The following KCTD1 variants were observed in gnomAD, a reference collection of about 807,000 sequenced individuals.
KCTD1 encodes the protein potassium channel tetramerization domain containing 1, also known as BTB/POZ domain-containing protein KCTD1.
Under a neutral mutation model 66.0 loss-of-function variants are expected in KCTD1, and 24 were observed. The ratio of observed to expected loss-of-function variants is 0.36; its 90% CI spans 0.26 to 0.51. KCTD1 has a LOEUF of 0.51. KCTD1 is among the 20% of genes least tolerant of loss of function. KCTD1 has a pLI of 0.95. For synonymous variants in KCTD1, 511 were observed against 517.2 expected (o/e 0.99, Z 0.16); for missense variants, 943 against 1,205.2 (o/e 0.78, Z 3.22).
intron 1 of KCTD1, among the ~76,000 whole-genome samples, chr18:26,580,330 G>A (rs149003004): frequency 6.6e-6 from 1 of 152,094 alleles, no homozygotes; most frequent in Non-Finnish European, 1.5e-5. Context: ...TGCAGTGGGC[G>A]CGGTTTGCAT....
rs149071377 is a variant in KCTD1, at chr18:26,482,629, C to T, written c.1989-5970G>A. Among the ~76,000 whole-genome samples the T allele has an allele frequency of 3.3e-3, 499 of 152,282 alleles. 3 individuals are homozygous for T. Among genetic ancestry groups the T allele is most frequent in the African/African-American group, 0.011 (476 of 41,538 alleles). On this transcript the variant is annotated intron_variant, in intron 2 of 4. Transcript: ENST00000580059. ...TCTTCTGGCTCTAGGCTCTGTACCC[C>T]CCACCCTTCCCATGCTGCACTGTCT...
At chr18:26,520,808 T>TCA (rs1983875416) in intron 1 of KCTD1, among the ~76,000 whole-genome samples, 2 of 152,224 alleles carry the variant, frequency 1.3e-5, no homozygotes, top group South Asian at 4.1e-4. Context: ...AGAAGAGTCC[T>TCA]CACTTTGAAC....
chr18:26,480,040 ATTTTTT>A (rs199551482), intron 2 of KCTD1, among the ~76,000 whole-genome samples: 68,671 of 139,860 alleles, frequency 0.49, 17,930 homozygotes, highest in Middle Eastern at 0.63. Flanking sequence ...TGGTTTTGGA[ATTTTTT>A]TTTTTTTTTT....
chr18:26,569,974 G>A (rs185323668), intron 1 of KCTD1, among the ~76,000 whole-genome samples: 5 of 152,182 alleles, frequency 3.3e-5, no homozygotes, highest in Admixed American at 2.6e-4. Context: ...ATCACCTGAG[G>A]TCAGGAGTTC....
intron 1 of KCTD1, among the ~76,000 whole-genome samples, chr18:26,605,434 C>A (rs916606249): frequency 2.0e-5 from 3 of 152,110 alleles, no homozygotes; most frequent in African/African-American, 7.2e-5. Flanking sequence ...AGCTTCTTAA[C>A]TGTGTGTTTT....
intron 1 of KCTD1, among the ~76,000 whole-genome samples, chr18:26,598,113 C>T (rs1443199017): frequency 1.3e-5 from 2 of 152,228 alleles, no homozygotes; most frequent in African/African-American, 4.8e-5. Context: ...AGCTTGACTT[C>T]CCCTCAACTC....
rs542390829 is a variant in KCTD1, at chr18:26,611,542, A to C, written c.-16+17605T>G. On this transcript the variant is annotated intron_variant, in intron 1 of 4. Transcript: ENST00000317932. ...ATTTTTATATTTTTAGTAGAGGCGG[A>C]GTTTCACCATGTTGGCCAGGCTGGT... Among the ~76,000 whole-genome samples the C allele has an allele frequency of 3.3e-5, 5 of 152,128 alleles. No homozygotes were observed. The South Asian group carries it at 1.0e-3, about 32-fold the overall frequency.
rs367792541 is a variant in KCTD1 at position 26,544,645 on chromosome 18, A to G, written c.1809+2083T>C. On this transcript the variant is annotated intron_variant, in intron 1 of 4. Coordinates refer to ENST00000580059, the MANE Select transcript of KCTD1 (RefSeq NM_001142730.3). The stretch of plus-strand genomic sequence containing the variant: ...ATGACCCAAAGCAATGCCACAGGCC[A>G]GCAACCTCAGCTAGGCATTAAGCCC... 9.8e-5 allele frequency: 15 copies of G among 152,312 alleles called. No homozygotes were observed. In the East Asian group the frequency reaches 2.5e-3, roughly 25 times the overall value. The allele number at this position is 152,312 out of a possible 1,614,324, so 9.4% of individuals were successfully genotyped here.
Position 26,500,418 on chromosome 18 carries a change from T to G in KCTD1, c.1988+654A>C, listed in dbSNP as rs189751154. Among the ~76,000 whole-genome samples the G allele has an allele frequency of 2.6e-5, 4 of 152,066 alleles. No individual in the cohort carries two copies. In the East Asian group the frequency reaches 7.7e-4, roughly 29 times the overall value. On this transcript the variant is annotated intron_variant, in intron 2 of 4. Transcript: ENST00000580059. ...CTGGGCGACAGAACAAGACCCTGGC[T>G]CCAAAATAATAATAATAATAAAAAA... is the stretch of plus-strand genomic sequence containing the variant.
intron 1 of KCTD1, among the ~76,000 whole-genome samples, chr18:26,514,791 G>A (rs765765653): frequency 8.5e-5 from 13 of 152,112 alleles, no homozygotes; most frequent in Non-Finnish European, 1.8e-4. Flanking sequence ...AGTTACATTC[G>A]TCCTATTTGG....
At chr18:26,642,375 T>C (rs138507558), upstream of KCTD1, among the ~76,000 whole-genome samples, 738 of 152,316 alleles carry the variant, frequency 4.8e-3, 16 homozygotes, top group Admixed American at 0.037. Flanking sequence ...CCTGTGATAA[T>C]ATTCCACTAA....
upstream of KCTD1, among the ~76,000 whole-genome samples, chr18:26,551,779 A>G (rs72887325): frequency 0.022 from 3,387 of 152,342 alleles, 66 homozygotes; most frequent in Middle Eastern, 0.051. Flanking sequence ...ACTCAATTCC[A>G]AAATGAAAGA....
At chr18:26,532,372 A>G (rs574391237) in intron 1 of KCTD1, among the ~76,000 whole-genome samples, 1 of 147,988 alleles carries the variant, frequency 6.8e-6, no homozygotes, top group Non-Finnish European at 1.5e-5. Context: ...TGGGCTTAAG[A>G]GATCCTCCTG....
At chr18:26,574,935 AT>A (rs912476244) in intron 1 of KCTD1, among the ~76,000 whole-genome samples, 26 of 152,182 alleles carry the variant, frequency 1.7e-4, no homozygotes, top group Non-Finnish European at 2.6e-4. Flanking sequence ...GGAAAAAAAA[AT>A]AAACGTGTAA....
In KCTD1 at chr18:26,613,390, A is replaced by G. The variant is rs80251367; in HGVS notation, c.-16+15757T>C. On this transcript the variant is annotated intron_variant, in intron 1 of 4. Transcript: ENST00000317932. ...TGGGCCCAAACCACCCAGCCTGTGA[A>G]GTAAAATGAACAGCCTGTCACTGCT... Among the ~76,000 whole-genome samples the G allele has an allele frequency of 3.9e-3, 601 of 152,338 alleles. 6 individuals carry two copies. The highest frequency in any genetic ancestry group is 0.014 in the African/African-American group (583 of 41,580).
At chr18:26,646,894 A>G (rs989969530) in intron 1 of KCTD1, among the ~76,000 whole-genome samples, 2 of 152,232 alleles carry the variant, frequency 1.3e-5, no homozygotes, top group South Asian at 2.1e-4. Context: ...ATGGGAAGAA[A>G]AAAAAATAAG....
chr18:26,523,814 C>A (rs1485075692), intron 1 of KCTD1, among the ~76,000 whole-genome samples: 1 of 152,168 alleles, frequency 6.6e-6, no homozygotes, highest in Non-Finnish European at 1.5e-5. Flanking sequence ...AGAAAAGCTT[C>A]AAGCAGCTTG....
chr18:26,524,887 G>C (rs1316301012), intron 1 of KCTD1, among the ~76,000 whole-genome samples: 3 of 151,884 alleles, frequency 2.0e-5, no homozygotes, highest in African/African-American at 7.3e-5. Flanking sequence ...TGCTCTTCTG[G>C]AGTCATTTGT....
intron 1 of KCTD1, among the ~76,000 whole-genome samples, chr18:26,515,080 A>G (rs1364354567): frequency 6.6e-6 from 1 of 152,244 alleles, no homozygotes; most frequent in Non-Finnish European, 1.5e-5. Flanking sequence ...ATATATCTTA[A>G]AATAAAAACC....
Sources: allele counts gnomAD v4.1 joint callset (sites outside exome capture counted in the v4.1 genomes callset), GRCh38; gene constraint gnomAD v4.1.1; transcripts MANE v1.5; gene names NCBI Gene and HGNC (gene_info 2026-07-23, HGNC 2026-07-21).